Variants in SCAND3 observed in about 807,000 individuals in gnomAD.
The protein encoded by SCAND3 is SCAN domain-containing protein 3.
the SCAND3 span, chr6:28,571,472 A>G: frequency 6.3e-6 from 1 of 158,556 alleles, no homozygotes; most frequent in Non-Finnish European, 1.4e-5. Context: ...CAAACTTCAT[A>G]CCCTACTGAC....
At chr6:28,603,441 A>G in the SCAND3 span, among the ~76,000 whole-genome samples, 2 of 152,126 alleles carry the variant, frequency 1.3e-5, no homozygotes, top group African/African-American at 2.4e-5. Flanking sequence ...GCAGAAATCT[A>G]TACATTCTCT....
At chr6:28,610,066 A>T in the SCAND3 span, among the ~76,000 whole-genome samples, 1 of 152,300 alleles carries the variant, frequency 6.6e-6, no homozygotes, top group Non-Finnish European at 1.5e-5. Flanking sequence ...TTTACTAAAA[A>T]TACAAAAATT....
the SCAND3 span, among the ~76,000 whole-genome samples, chr6:28,588,270 C>G: frequency 2.0e-5 from 3 of 152,074 alleles, no homozygotes; most frequent in Non-Finnish European, 2.9e-5. The surrounding 1 kb of genome is among the most constrained non-coding windows in gnomAD (Gnocchi z 4.1). Flanking sequence ...CTTTTGTTTC[C>G]CCCCCTAACT....
chr6:28,608,366 T>A, the SCAND3 span, among the ~76,000 whole-genome samples: 7,583 of 152,214 alleles, frequency 0.05, 316 homozygotes, highest in Non-Finnish European at 0.089. Context: ...GCTCCCCACC[T>A]TTACTCTTGT....
chr6:28,606,527 C>T, the SCAND3 span, among the ~76,000 whole-genome samples: 4 of 152,128 alleles, frequency 2.6e-5, no homozygotes, highest in African/African-American at 7.2e-5. Context: ...CGCTACTACC[C>T]CACCCCAACC....
At chr6:28,575,868 G>A in the SCAND3 span, 1 of 1,613,960 alleles carries the variant, frequency 6.2e-7, no homozygotes, top group Non-Finnish European at 8.5e-7. This position sits in a 1 kb window ranked among gnomAD's most constrained non-coding sequence, Gnocchi z 4.2. Flanking sequence ...CTTGTACAAG[G>A]ATAACATCAA....
chr6:28,602,956 A>ATTTTTT, the SCAND3 span, among the ~76,000 whole-genome samples: 23 of 94,450 alleles, frequency 2.4e-4, no homozygotes, highest in African/African-American at 3.0e-4. Flanking sequence ...CCAAAAAAAA[A>ATTTTTT]TTTTTTTTTT....
the SCAND3 span, chr6:28,586,825 T>A: frequency 1.1e-6 from 1 of 897,376 alleles, no homozygotes; most frequent in Non-Finnish European, 1.7e-6. This position sits in a 1 kb window ranked among gnomAD's most constrained non-coding sequence, Gnocchi z 4.4. Flanking sequence ...GTTTTTGATA[T>A]AAGAAAACAC....
chr6:28,592,509 A>G, the SCAND3 span, among the ~76,000 whole-genome samples: 4,688 of 152,292 alleles, frequency 0.031, 150 homozygotes, highest in African/African-American at 0.084. This position sits in a 1 kb window ranked among gnomAD's most constrained non-coding sequence, Gnocchi z 4.1. Flanking sequence ...ACCCAAAGCT[A>G]TCTACAGATT....
the SCAND3 span, chr6:28,571,047 G>T: frequency 1.3e-5 from 2 of 152,216 alleles, no homozygotes; most frequent in South Asian, 4.2e-4. Context: ...GGCGCAGCAG[G>T]TCACGCCTGT....
the SCAND3 span, among the ~76,000 whole-genome samples, chr6:28,588,859 T>C: frequency 1.3e-5 from 2 of 152,218 alleles, no homozygotes; most frequent in African/African-American, 4.8e-5. The surrounding 1 kb of genome is among the most constrained non-coding windows in gnomAD (Gnocchi z 4.1). Context: ...CCCAGAGGGA[T>C]GTTTATCGTG....
chr6:28,593,707 G>C, the SCAND3 span: 1 of 152,130 alleles, frequency 6.6e-6, no homozygotes. Context: ...TTTTGGCTTT[G>C]TTTTGCTTTT....
the SCAND3 span, chr6:28,589,404 T>C: frequency 6.6e-6 from 1 of 152,090 alleles, no homozygotes; most frequent in South Asian, 2.1e-4. Flanking sequence ...TGGTTAGCAC[T>C]CTGGACTTTG....
At chr6:28,593,035 G>T in the SCAND3 span, among the ~76,000 whole-genome samples, 10,694 of 145,988 alleles carry the variant, frequency 0.073, 925 homozygotes, top group African/African-American at 0.21. Context: ...TGACTCCAAA[G>T]CACAAGCAAC....
At chr6:28,590,670 ATT>A in the SCAND3 span, 1 of 152,196 alleles carries the variant, frequency 6.6e-6, no homozygotes, top group African/African-American at 2.4e-5. Flanking sequence ...TTACTTTGAC[ATT>A]TTGATTTTCG....
the SCAND3 span, among the ~76,000 whole-genome samples, chr6:28,577,927 G>A: frequency 4.6e-5 from 7 of 152,096 alleles, no homozygotes; most frequent in African/African-American, 1.4e-4. Context: ...CAGTGTCCAC[G>A]TATTGATTTA....
chr6:28,573,806 C>T, the SCAND3 span: 50 of 1,533,626 alleles, frequency 3.3e-5, no homozygotes, highest in Non-Finnish European at 4.3e-5. Context: ...ACAAAAAAGT[C>T]CAGTGAAGCT....
the SCAND3 span, among the ~76,000 whole-genome samples, chr6:28,608,851 T>C: frequency 2.6e-5 from 4 of 151,574 alleles, no homozygotes; most frequent in Non-Finnish European, 4.4e-5. Context: ...TAGCAGGGCA[T>C]GGTGGTGCAT....
chr6:28,610,359 T>TA, the SCAND3 span, among the ~76,000 whole-genome samples: 1 of 151,956 alleles, frequency 6.6e-6, no homozygotes, highest in African/African-American at 2.4e-5. Context: ...CCGTCTCTAC[T>TA]AAAAATACAA....
Sources: allele counts gnomAD v4.1 joint callset (sites outside exome capture counted in the v4.1 genomes callset), GRCh38; gene constraint gnomAD v4.1.1; non-coding constraint Gnocchi (gnomAD v3.1); transcripts MANE v1.5; gene names NCBI Gene and HGNC (gene_info 2026-07-23, HGNC 2026-07-21).